Variants in AGBL4 observed in about 807,000 individuals in gnomAD.
AGBL4 encodes cytosolic carboxypeptidase 6.
AGBL4 carries 58 observed loss-of-function variants against 66.4 expected under a neutral mutation model. That is an observed-to-expected ratio of 0.87 (90% CI 0.71 to 1.09). The LOEUF (loss-of-function observed/expected upper bound fraction) is 1.09. Among genes scored for constraint, AGBL4 ranks in the 50% least tolerant of loss-of-function variants. AGBL4 has a pLI of 0.00. For missense variants in AGBL4, 579 were observed against 631.0 expected (o/e 0.92, Z 0.88); for synonymous variants, 234 against 222.9 (o/e 1.05, Z -0.44).
intron 3 of AGBL4, among the ~76,000 whole-genome samples, chr1:49,258,129 G>C (rs1390906773): frequency 2.0e-5 from 3 of 152,188 alleles, no homozygotes; most frequent in African/African-American, 7.2e-5. Context: ...CAAACAGAAA[G>C]GACATCCACA....
intron 4 of AGBL4, among the ~76,000 whole-genome samples, chr1:49,160,784 AGCGGCCTTGCTGACCTGT>A (rs773205403): frequency 6.6e-6 from 1 of 152,194 alleles, no homozygotes; most frequent in Non-Finnish European, 1.5e-5. Flanking sequence ...GTCTGGCCAC[AGCGGCCTTGCTGACCTGT>A]GGTGGGCTCC....
chr1:49,036,630 T>C (rs4926784), intron 5 of AGBL4, among the ~76,000 whole-genome samples: 66,151 of 151,854 alleles, frequency 0.44, 16,765 homozygotes, highest in Non-Finnish European at 0.58. Context: ...AGTGGCACAA[T>C]TGTAGCCCAA....
chr1:49,486,655 C>T (rs1162392769), intron 3 of AGBL4, among the ~76,000 whole-genome samples: 1 of 151,990 alleles, frequency 6.6e-6, no homozygotes, highest in Non-Finnish European at 1.5e-5. Flanking sequence ...CCTGTGATTT[C>T]AGCATCACTT....
At chr1:48,846,744 ATCCAGGCTCAGC>A (rs1441311894) in intron 6 of AGBL4, among the ~76,000 whole-genome samples, 2 of 152,176 alleles carry the variant, frequency 1.3e-5, no homozygotes, top group African/African-American at 2.4e-5. Context: ...TTGAAAATGA[ATCCAGGCTCAGC>A]AGGAAAGAGT....
At chr1:48,641,369 T>C (rs2148424473) in intron 8 of AGBL4, among the ~76,000 whole-genome samples, 1 of 152,292 alleles carries the variant, frequency 6.6e-6, no homozygotes, top group South Asian at 2.1e-4. Flanking sequence ...ACACAAGGGA[T>C]AATCATAACA....
chr1:48,870,094 A>G (rs545737030), intron 5 of AGBL4, among the ~76,000 whole-genome samples: 1 of 152,062 alleles, frequency 6.6e-6, no homozygotes, highest in South Asian at 2.1e-4. Context: ...AACCATGGAA[A>G]CCTCAAGATT....
intron 6 of AGBL4, among the ~76,000 whole-genome samples, chr1:48,734,978 T>C (rs1648787889): frequency 6.6e-6 from 1 of 152,254 alleles, no homozygotes; most frequent in African/African-American, 2.4e-5. Flanking sequence ...CTCGGGTTCC[T>C]GGCTCTCCTC....
At chr1:49,673,525 A>T (rs1462290719) in intron 3 of AGBL4, among the ~76,000 whole-genome samples, 2 of 152,202 alleles carry the variant, frequency 1.3e-5, no homozygotes, top group Admixed American at 1.3e-4. Flanking sequence ...TGATGTGCTT[A>T]TTTTACATTG....
chr1:49,976,763 T>C (rs1333426662), intron 1 of AGBL4, among the ~76,000 whole-genome samples: 2 of 152,184 alleles, frequency 1.3e-5, no homozygotes, highest in Non-Finnish European at 2.9e-5. Flanking sequence ...AAAACATATA[T>C]ACATAGTTTT....
At chr1:49,700,679 A>G (rs115362419) in intron 2 of AGBL4, among the ~76,000 whole-genome samples, 6 of 152,228 alleles carry the variant, frequency 3.9e-5, no homozygotes, top group African/African-American at 1.4e-4. Flanking sequence ...TCATTTAAGT[A>G]ATAATATTTT....
chr1:48,659,130 C>T (rs1376960790), intron 7 of AGBL4, among the ~76,000 whole-genome samples: 1 of 152,284 alleles, frequency 6.6e-6, no homozygotes, highest in East Asian at 1.9e-4. Context: ...GGTGGAATTC[C>T]TGTGGAAGAG....
chr1:49,021,990 C>G (rs1663285712), intron 5 of AGBL4, among the ~76,000 whole-genome samples: 1 of 152,006 alleles, frequency 6.6e-6, no homozygotes, highest in African/African-American at 2.4e-5. Flanking sequence ...GCAGCCTGGA[C>G]CAACAATATC....
chr1:49,866,798 CTT>C (rs545014006), intron 1 of AGBL4, among the ~76,000 whole-genome samples: 1 of 145,842 alleles, frequency 6.9e-6, no homozygotes. Flanking sequence ...CCAAGAATTT[CTT>C]TTTTTTTTTT....
intron 11 of AGBL4, chr1:48,586,698 C>T (rs561685356): frequency 1.3e-4 from 45 of 336,928 alleles, no homozygotes; most frequent in African/African-American, 9.0e-4. Flanking sequence ...GCTTAGATGG[C>T]AGGAGACTCA....
At chr1:49,428,283 C>G (rs1033611863) in intron 3 of AGBL4, among the ~76,000 whole-genome samples, 23 of 152,226 alleles carry the variant, frequency 1.5e-4, no homozygotes, top group Admixed American at 7.2e-4. Context: ...CTTTCTAGTT[C>G]CACAGATTCA....
intron 3 of AGBL4, among the ~76,000 whole-genome samples, chr1:49,399,143 C>T (rs747183807): frequency 6.6e-6 from 1 of 152,034 alleles, no homozygotes; most frequent in Non-Finnish European, 1.5e-5. Flanking sequence ...AAATGACCTC[C>T]GGAGCTCCAT....
At chr1:49,138,468 T>C (rs1316955421) in intron 4 of AGBL4, among the ~76,000 whole-genome samples, 1 of 152,164 alleles carries the variant, frequency 6.6e-6, no homozygotes, top group Non-Finnish European at 1.5e-5. Flanking sequence ...TGCACTTCTT[T>C]GATGCCAATT....
intron 3 of AGBL4, among the ~76,000 whole-genome samples, chr1:49,258,312 C>A (rs1035740815): frequency 6.6e-6 from 1 of 152,204 alleles, no homozygotes; most frequent in Non-Finnish European, 1.5e-5. Flanking sequence ...TGGAGAATGA[C>A]TTTGATGAGT....
chr1:49,435,872 G>C (rs1360071682), intron 3 of AGBL4, among the ~76,000 whole-genome samples: 1 of 152,152 alleles, frequency 6.6e-6, no homozygotes, highest in Non-Finnish European at 1.5e-5. Context: ...CTAGTAAGTA[G>C]GGAGCTGAGA....
Sources: allele counts gnomAD v4.1 joint callset (sites outside exome capture counted in the v4.1 genomes callset), GRCh38; gene constraint gnomAD v4.1.1; transcripts MANE v1.5; gene names NCBI Gene and HGNC (gene_info 2026-07-23, HGNC 2026-07-21).